The following WDR62 variants were observed in gnomAD, a reference collection of about 807,000 sequenced individuals.
The protein encoded by WDR62 is WD repeat domain 62.
Under a neutral mutation model 160.6 loss-of-function variants are expected in WDR62, and 112 were observed. That is an observed-to-expected ratio of 0.70 (90% CI 0.60 to 0.82). The LOEUF is 0.82. Ranked by LOEUF, WDR62 falls within the 40% of genes least tolerant of loss-of-function variation. WDR62 has a pLI of 0.00. For missense variants in WDR62, 1,819 were observed against 1,983.8 expected (o/e 0.92, Z 1.58); for synonymous variants, 792 against 815.1 (o/e 0.97, Z 0.48).
intron 7 of WDR62, chr19:36,071,202 C>CA (rs111636638): frequency 0.28 from 64,260 of 229,518 alleles, 6,381 homozygotes; most frequent in Non-Finnish European, 0.3. Flanking sequence ...AACTCTATCT[C>CA]AAAAAAAAAA....
chr19:36,074,768 T>C (rs530855685), intron 9 of WDR62, among the ~76,000 whole-genome samples: 1 of 152,222 alleles, frequency 6.6e-6, no homozygotes, highest in South Asian at 2.1e-4. Flanking sequence ...TTAATAACTT[T>C]TAAAATTCCT....
In WDR62 at chr19:36,101,723, C is replaced by G. The variant is rs1313483708; in HGVS notation, c.3031C>G (p.Pro1011Ala). ...CSFAAIHSPA[P>A]PPDPAPRFAT... ...CTTCGCAGCCATCCACTCCCCAGCT[C>G]CGCCTCCTGACCCTGCCCCTCGGTT... is the stretch of plus-strand genomic sequence containing the variant. The change falls in exon 25 of 32, where the codon CCG (proline) becomes GCG (alanine). Residue 1011 changes from proline (P) to alanine (A), a missense_variant. Coordinates refer to ENST00000401500, the MANE Select transcript of WDR62 (RefSeq NM_001083961.2). The G allele has an allele frequency of 6.4e-7, 1 of 1,551,646 alleles. No individual in the cohort carries two copies. The highest frequency in any genetic ancestry group is 8.7e-7 in the Non-Finnish European group (1 of 1,147,120).
Position 36,103,639 on chromosome 19 carries a change from G to C in WDR62, c.3811G>C (p.Ala1271Pro). ...LGQELQAITT[A>P]TTPSLDSEGQ... Reference sequence around the variant, plus strand: ...CCAGGAGCTTCAGGCCATCACCACCGCGACAACACCCAGTTTGGACAGTGA... The same window carrying C: ...CCAGGAGCTTCAGGCCATCACCACCCCGACAACACCCAGTTTGGACAGTGA... Residue 1271 changes from alanine to proline, a missense_variant, in exon 30 of 32, where the codon GCG (alanine) becomes CCG (proline). Ala to Pro is a conservative substitution (Grantham distance 27). This residue lies in a region of WDR62 where 770 missense variants were observed against 734.2 expected (regional missense o/e 1.05). Coordinates refer to ENST00000401500, the MANE Select transcript of WDR62 (RefSeq NM_001083961.2). The C allele has an allele frequency of 1.2e-6, 2 of 1,609,140 alleles. No individual in the cohort carries two copies. Among genetic ancestry groups the C allele is most frequent in the Non-Finnish European group, 1.7e-6 (2 of 1,179,458 alleles).
intron 7 of WDR62, chr19:36,070,831 C>T (rs1971255704): frequency 6.6e-6 from 1 of 152,452 alleles, no homozygotes; most frequent in Non-Finnish European, 1.5e-5. Context: ...GATAGACAGT[C>T]CTTTCTAGAT....
chr19:36,098,356 A>G (rs1211075016), intron 21 of WDR62, among the ~76,000 whole-genome samples: 3 of 151,940 alleles, frequency 2.0e-5, no homozygotes, highest in Admixed American at 6.6e-5. Context: ...TCCAAGGTCA[A>G]GAGATCAAGA....
At chr19:36,080,355 C>T (rs1971824032) in intron 9 of WDR62, among the ~76,000 whole-genome samples, 1 of 151,916 alleles carries the variant, frequency 6.6e-6, no homozygotes, top group South Asian at 2.1e-4. Context: ...ACCTCGTGAT[C>T]CTCCCGCCTC....
At chr19:36,072,467 A>G (rs1971350298) in intron 8 of WDR62, among the ~76,000 whole-genome samples, 1 of 152,178 alleles carries the variant, frequency 6.6e-6, no homozygotes, top group Non-Finnish European at 1.5e-5. Context: ...GTAAATGACC[A>G]GGCCTTACAT....
chr19:36,106,362 CAA>C (rs10668126), downstream of WDR62, among the ~76,000 whole-genome samples: 2,536 of 115,178 alleles, frequency 0.022, 76 homozygotes, highest in African/African-American at 0.077. Context: ...CAGCAAGTCT[CAA>C]AAAAAAAAAA....
chr19:36,069,252 G>A (rs1215512155), intron 7 of WDR62, among the ~76,000 whole-genome samples: 5 of 151,422 alleles, frequency 3.3e-5, no homozygotes, highest in African/African-American at 4.8e-5. Flanking sequence ...CTGCCGGGCG[G>A]AGGGGCTCCT....
chr19:36,060,761 T>C (rs901308532), intron 3 of WDR62: 1 of 152,552 alleles, frequency 6.6e-6, no homozygotes, highest in Admixed American at 6.5e-5. Flanking sequence ...TCCTCATTGA[T>C]GGTATTCACT....
Position 36,102,048 on chromosome 19 carries a change from G to A in WDR62, c.3117G>A (p.Leu1039=), listed in dbSNP as rs548063992. ...GTCCCACAGAAGATGAGCTGTCCCT[G>A]CCCGAGGGACCCAGCGTCCCCAGCA... is the stretch of plus-strand genomic sequence containing the variant. ...CAGPTEDELS[L]PEGPSVPSSS... is the part of the protein sequence containing the mutation. The change falls in exon 26 of 32, where the codon CTG becomes CTA. Residue 1039 remains leucine, a synonymous_variant. Transcript: ENST00000401500. The A allele has an allele frequency of 3.1e-6, 5 of 1,614,122 alleles. No individual in the cohort carries two copies. Among genetic ancestry groups the A allele is most frequent in the Admixed American group, 3.3e-5 (2 of 60,024 alleles).
chr19:36,061,948 CTT>C (rs113899978), intron 3 of WDR62: 4 of 145,184 alleles, frequency 2.8e-5, no homozygotes, highest in Admixed American at 6.8e-5. Flanking sequence ...GCTTTTTTTT[CTT>C]TTTTTTTTTT....
chr19:36,075,032 TTC>T (rs1197786563), intron 9 of WDR62: 3 of 152,216 alleles, frequency 2.0e-5, no homozygotes, highest in African/African-American at 7.2e-5. Flanking sequence ...TTCTACCCTC[TTC>T]TCTCTCTTTT....
chr19:36,102,985 C>T lies in WDR62; in HGVS notation c.3373C>T (p.Leu1125Phe), dbSNP rs1436566576. ...CTTCCCTCCCCGGGCAACCCAGTGC[C>T]TTGTGAAGTCTCCAGAGGTCAAGCT... ...HTFPPRATQC[L>F]VKSPEVKLMD... is the part of the protein sequence containing the mutation. The change falls in exon 28 of 32, where the codon CTT (leucine) becomes TTT (phenylalanine). Residue 1125 changes from leucine to phenylalanine, a missense_variant. Physicochemically the swap from Leu to Phe is conservative, Grantham distance 22. This residue lies in a region of WDR62 where 770 missense variants were observed against 734.2 expected (regional missense o/e 1.05). Transcript: ENST00000401500. 1 of 1,614,154 alleles carries T rather than the reference C, an allele frequency of 6.2e-7. No individual in the cohort carries two copies. The highest frequency in any genetic ancestry group is 1.1e-5 in the South Asian group (1 of 91,080).
intron 24 of WDR62, 114 bp downstream of exon 24, chr19:36,101,431 G>A: frequency 9.8e-7 from 1 of 1,019,578 alleles, no homozygotes; most frequent in Non-Finnish European, 1.5e-6. Flanking sequence ...TGTCGAGGAA[G>A]ACACATGTGG....
chr19:36,056,155 G>C (rs1359422137), intron 1 of WDR62, among the ~76,000 whole-genome samples: 1 of 152,166 alleles, frequency 6.6e-6, no homozygotes, highest in Non-Finnish European at 1.5e-5. Flanking sequence ...GACAGAGTGA[G>C]ACTCTGTCTC....
intron 30 of WDR62, 63 bp from the exon 31 acceptor site, chr19:36,104,455 G>T: frequency 6.3e-7 from 1 of 1,596,098 alleles, no homozygotes; most frequent in South Asian, 1.1e-5. Context: ...CCACCCAGTC[G>T]CTCTGGCCGC....
rs759572399 is a variant in WDR62 at position 36,066,022 on chromosome 19, C to T, written c.390+7C>T. Reference sequence around the variant, plus strand: ...GTACATAGTGACAGGGGAGGTGAGTCGTGATCGTGACTGAGTGGGAGTCGG... The same window carrying T: ...GTACATAGTGACAGGGGAGGTGAGTTGTGATCGTGACTGAGTGGGAGTCGG... On this transcript the variant is annotated splice_region_variant and intron_variant, in intron 4 of 31. Coordinates refer to ENST00000401500, the MANE Select transcript of WDR62 (RefSeq NM_001083961.2). The T allele has an allele frequency of 7.2e-5, 117 of 1,613,936 alleles. 1 individual carries two copies. The highest frequency in any genetic ancestry group is 3.7e-4 in the Admixed American group (22 of 60,020).
At chr19:36,094,198 G>C in intron 20 of WDR62, 34 bp downstream of exon 20, 1 of 1,609,642 alleles carries the variant, frequency 6.2e-7, no homozygotes, top group Non-Finnish European at 8.5e-7. Flanking sequence ...AACTATGTCA[G>C]TGTAGGGAAT....
Sources: allele counts gnomAD v4.1 joint callset (sites outside exome capture counted in the v4.1 genomes callset), GRCh38; gene constraint gnomAD v4.1.1; regional missense constraint gnomAD v4.1.1; transcripts MANE v1.5; gene names NCBI Gene and HGNC (gene_info 2026-07-23, HGNC 2026-07-21).